Variants in IGF2R observed in about 807,000 individuals in gnomAD.
IGF2R encodes insulin like growth factor 2 receptor, also known as cation-independent mannose-6-phosphate receptor.
In IGF2R, 91 loss-of-function variants were observed where a neutral mutation model predicts 270.6. That is an observed-to-expected ratio of 0.34 (90% CI 0.28 to 0.40). IGF2R has a LOEUF of 0.40. Among genes scored for constraint, IGF2R ranks in the 10% least tolerant of loss-of-function variants. The probability of loss-of-function intolerance (pLI) is 1.00; values close to 1 mark genes in which losing one functional copy is unlikely to be tolerated. For missense variants in IGF2R, 2,805 were observed against 3,188.3 expected (o/e 0.88, Z 2.90); for synonymous variants, 1,316 against 1,258.9 (o/e 1.05, Z -0.96).
In IGF2R at chr6:160,064,502, T is replaced by A. The variant is rs752549366; in HGVS notation, c.3988T>A (p.Phe1330Ile). Residue 1330 changes from phenylalanine (F) to isoleucine (I), a missense_variant, in exon 28 of 48, where the codon TTC (phenylalanine) becomes ATC (isoleucine). Around this residue, in one of 2 missense-constraint regions of IGF2R, gnomAD observed 1,851 missense variants for 2,207.2 expected, o/e 0.84. Transcript: ENST00000356956. ...GGTTTATCAGCGCTCCACAGCCATC[T>A]TCTTCTACTGTGACCGCGGCACCCA... ...HKVYQRSTAI[F>I]FYCDRGTQRP... 1.9e-6 allele frequency: 3 copies of A among 1,614,116 alleles called. No homozygotes were observed. The highest frequency in any genetic ancestry group is 1.7e-6 in the Non-Finnish European group (2 of 1,180,050).
rs960118259 is a variant in IGF2R, at chr6:160,106,995, T to C, written c.*1911T>C. 6 of 152,240 alleles carry C rather than the reference T, an allele frequency of 3.9e-5. No individual in the cohort carries two copies. Among genetic ancestry groups the C allele is most frequent in the Admixed American group, 1.3e-4 (2 of 15,284 alleles). 9.4% of individuals were successfully genotyped at this position (152,240 alleles called of 1,614,324 possible). A position where few individuals can be genotyped will look rare whatever the true frequency, so the allele number is the denominator to read the frequency against. ...GAAGCAGGAAGTTACTCCAGTGTTA[T>C]AAACAAACTTCTTAGACTCAACATC... On this transcript the variant is annotated 3_prime_UTR_variant, in exon 48 of 48. Coordinates refer to ENST00000356956, the MANE Select transcript of IGF2R (RefSeq NM_000876.4).
At chr6:160,079,006 G>A (rs1022776376) in intron 37 of IGF2R, among the ~76,000 whole-genome samples, 4 of 152,200 alleles carry the variant, frequency 2.6e-5, no homozygotes, top group Admixed American at 6.5e-5. Context: ...ACTGGGGTAC[G>A]GAACCCCAGC....
At chr6:160,104,597 C>A in intron 47 of IGF2R, 77 bp from the exon 48 acceptor site, 1 of 1,476,962 alleles carries the variant, frequency 6.8e-7, no homozygotes, top group Non-Finnish European at 9.3e-7. Context: ...CAGAGAGCAT[C>A]CCTGATGTGG....
chr6:159,995,530 T>A (rs1464469907), intron 2 of IGF2R, among the ~76,000 whole-genome samples: 2 of 152,164 alleles, frequency 1.3e-5, no homozygotes, highest in African/African-American at 4.8e-5. Flanking sequence ...TTATAAGATG[T>A]GAGTTTTATA....
intron 19 of IGF2R, among the ~76,000 whole-genome samples, chr6:160,054,181 T>C (rs1331666075): frequency 2.0e-5 from 3 of 152,128 alleles, no homozygotes; most frequent in Non-Finnish European, 4.4e-5. Context: ...AAGACACGAA[T>C]GGATGCTGAA....
chr6:159,978,101 C>T (rs898963425), intron 1 of IGF2R, among the ~76,000 whole-genome samples: 3 of 152,134 alleles, frequency 2.0e-5, no homozygotes, highest in Non-Finnish European at 4.4e-5. Context: ...CCATTAGTGT[C>T]TTGGGGTTTC....
At chr6:160,059,418 C>T (rs1778384643) in intron 22 of IGF2R, among the ~76,000 whole-genome samples, 1 of 152,214 alleles carries the variant, frequency 6.6e-6, no homozygotes, top group Non-Finnish European at 1.5e-5. Flanking sequence ...TATTGTTGAT[C>T]TCTTGCTGTG....
rs530071584 is a variant in IGF2R, at chr6:160,036,672, G to A, written c.1315+2150G>A. 4.1e-4 allele frequency among the ~76,000 whole-genome samples: 62 copies of A among 152,106 alleles called. No homozygotes were observed. In the Middle Eastern group the frequency reaches 0.014, roughly 33 times the overall value. On this transcript the variant is annotated intron_variant, in intron 10 of 47. Coordinates refer to ENST00000356956, the MANE Select transcript of IGF2R (RefSeq NM_000876.4). ...CAGGATATGAGAAGGGCATTATATC[G>A]TTTCAGACTTACAGGGAAGAGGTGT...
rs1406148074 is a variant in IGF2R, at chr6:160,107,793, C to T, written c.*2709C>T. 6.6e-6 allele frequency: 1 copy of T among 152,184 alleles called. No individual in the cohort carries two copies. The highest frequency in any genetic ancestry group is 1.9e-4 in the East Asian group (1 of 5,202). The allele number at this position is 152,184 out of a possible 1,614,324, so 9.4% of individuals were successfully genotyped here. On this transcript the variant is annotated 3_prime_UTR_variant, in exon 48 of 48. Transcript: ENST00000356956. The stretch of plus-strand genomic sequence containing the variant: ...AAATAATACGTAACACGAGATGATT[C>T]CTCAGGAAGGAACATATAGACATAC...
intron 22 of IGF2R, 24 bp downstream of exon 22, chr6:160,059,122 T>C: frequency 6.2e-7 from 1 of 1,604,690 alleles, no homozygotes; most frequent in Non-Finnish European, 8.5e-7. Context: ...CATGTTGTTT[T>C]GTAGCTAAAA....
chr6:160,015,751 G>C (rs1202857737), intron 4 of IGF2R, among the ~76,000 whole-genome samples: 2 of 152,168 alleles, frequency 1.3e-5, no homozygotes. Context: ...CCTAATGCTG[G>C]AGGTGGGGCC....
rs992263689 is a variant in IGF2R at position 160,073,325 on chromosome 6, A to G, written c.4803A>G (p.Lys1601=). The G allele has an allele frequency of 3.1e-6, 5 of 1,614,126 alleles. No individual in the cohort carries two copies. The Admixed American group carries it at 5.0e-5, about 16-fold the overall frequency. ...AGGATGGGTCCCCTTGTCCCTCCAA[A>G]TCCGGCCTGAGCTATAAGAGTGTGA... The part of the protein sequence containing the change: ...VYKDGSPCPS[K]SGLSYKSVIS... Residue 1601 remains lysine (K), a synonymous_variant, in exon 34 of 48, where the codon AAA becomes AAG. Transcript: ENST00000356956.
intron 13 of IGF2R, 93 bp downstream of exon 13, chr6:160,044,750 T>C (rs1778031795): frequency 2.0e-6 from 2 of 981,368 alleles, no homozygotes; most frequent in Non-Finnish European, 3.0e-6. Flanking sequence ...ACTGCAAAGC[T>C]GATCAGACAG....
Position 160,078,215 on chromosome 6 carries a change from GT to G in IGF2R, c.5333del (p.Leu1778Ter). 2 of 1,614,192 alleles carry G rather than the reference GT, an allele frequency of 1.2e-6. No homozygotes were observed. The highest frequency in any genetic ancestry group is 1.7e-6 in the Non-Finnish European group (2 of 1,180,020). On this transcript the variant is annotated frameshift_variant, in exon 37 of 48. Coordinates refer to ENST00000356956, the MANE Select transcript of IGF2R (RefSeq NM_000876.4). LOFTEE classifies it high-confidence loss of function. ...RGVSMGTPKL[L>X]RTSECDFVFE... is the part of the protein sequence containing the mutation. ...CCTGGCAACAGGGAACGCCTAAGCT[GT>G]TAAGGACCAGCGAGTGCGACTTTGT...
intron 1 of IGF2R, among the ~76,000 whole-genome samples, chr6:159,990,667 T>A (rs896600199): frequency 2.6e-5 from 4 of 152,204 alleles, no homozygotes; most frequent in Non-Finnish European, 5.9e-5. Flanking sequence ...TCTCGCACTG[T>A]TGACCGAGCT....
At chr6:160,065,814 G>GTGTGTGTGTGTGTGTGTATATA in intron 29 of IGF2R, among the ~76,000 whole-genome samples, 1 of 78,390 alleles carries the variant, frequency 1.3e-5, no homozygotes, top group African/African-American at 5.6e-5. Context: ...GTGTGTGTGT[G>GTGTGTGTGTGTGTGTGTATATA]TATATATATA....
At chr6:160,052,163 C>T (rs113653481) in intron 19 of IGF2R, among the ~76,000 whole-genome samples, 25 of 152,304 alleles carry the variant, frequency 1.6e-4, no homozygotes, top group African/African-American at 6.0e-4. Flanking sequence ...GGATGTGCTA[C>T]TATACTGCAG....
chr6:160,032,584 T>A lies in IGF2R; in HGVS notation c.916T>A (p.Cys306Ser). The A allele has an allele frequency of 6.2e-7, 1 of 1,614,138 alleles. No homozygotes were observed. The highest frequency in any genetic ancestry group is 8.5e-7 in the Non-Finnish European group (1 of 1,180,002). Residue 306 changes from cysteine (C) to serine (S), a missense_variant, in exon 8 of 48, where the codon TGC becomes AGC. Transcript: ENST00000356956. The stretch of plus-strand genomic sequence containing the variant: ...TCCCAAACTCACAGCTAAATCCAAC[T>A]GCCGCTATGAAATTGAGTGGATTAC... ...TIPKLTAKSN[C>S]RYEIEWITEY...
intron 7 of IGF2R, among the ~76,000 whole-genome samples, chr6:160,030,882 G>A (rs1014266245): frequency 2.7e-5 from 4 of 150,326 alleles, no homozygotes; most frequent in African/African-American, 9.8e-5. Flanking sequence ...GGAGTGCAGT[G>A]CCACGATCTC....
Sources: gnomAD v4.1 joint callset for allele counts (sites outside exome capture counted in the v4.1 genomes callset) on GRCh38, gnomAD v4.1.1 for gene constraint, gnomAD v4.1.1 regional missense constraint, MANE v1.5 for transcripts, NCBI Gene and HGNC (gene_info 2026-07-23, HGNC 2026-07-21) for gene names.